The following ADCY4 variants were observed in gnomAD, a reference collection of about 807,000 sequenced individuals.
ADCY4 encodes adenylate cyclase type 4.
In ADCY4, 111 loss-of-function variants were observed where a neutral mutation model predicts 125.5. That is an observed-to-expected ratio of 0.88 (90% CI 0.76 to 1.04). The LOEUF (loss-of-function observed/expected upper bound fraction) is 1.04. Among genes scored for constraint, ADCY4 ranks in the 50% least tolerant of loss-of-function variants. ADCY4 has a pLI of 0.00. For synonymous variants in ADCY4, 576 were observed against 586.9 expected, an observed-to-expected ratio of 0.98 and a Z score of 0.27; for missense variants, 1,256 against 1,382.9, an observed-to-expected ratio of 0.91 and a Z score of 1.46.
At position 24,323,078 on chromosome 14, in the gene ADCY4, T is replaced by C. The variant is rs1390400147; in HGVS notation, c.2168A>G (p.His723Arg). 1 of 1,613,842 alleles carries C rather than the reference T, an allele frequency of 6.2e-7. No homozygotes were observed. Among genetic ancestry groups the C allele is most frequent in the Non-Finnish European group, 8.5e-7 (1 of 1,179,976 alleles). The change falls in exon 18 of 25, where the codon CAC (histidine) becomes CGC (arginine). Residue 723 changes from histidine (H) to arginine (R), a missense_variant. Physicochemically the swap from His to Arg is conservative, Grantham distance 29. Coordinates refer to ENST00000418030, the MANE Select transcript of ADCY4 (RefSeq NM_001198568.2). ...LPLISVPYSM[H>R]CCTLGFLSCS... ...GGAGAGGAAGCCCAGCGTGCAGCAG[T>C]GCATGGAGTACTGTGGGGCCAGGCA... is the stretch of plus-strand genomic sequence containing the variant.
rs1308295377 is a variant in ADCY4 at position 24,324,069 on chromosome 14, G to T, written c.2039C>A (p.Thr680Asn). 1 of 1,614,040 alleles carries T rather than the reference G, an allele frequency of 6.2e-7. No homozygotes were observed. The highest frequency in any genetic ancestry group is 1.3e-5 in the African/African-American group (1 of 74,932). The stretch of plus-strand genomic sequence containing the variant: ...GGCCCCCTCTGTCCTCACCAGGCTG[G>T]TAATGGCCATGGCAAAGACAAGGAG... ...TILLVFAMAI[T>N]SLFFFPTSSD... is the part of the protein sequence containing the mutation. Residue 680 changes from threonine to asparagine, a missense_variant, in exon 16 of 25, where the codon ACC (threonine) becomes AAC (asparagine). Coordinates refer to ENST00000418030, the MANE Select transcript of ADCY4 (RefSeq NM_001198568.2).
Position 24,322,167 on chromosome 14 carries a change from C to G in ADCY4, c.2485G>C (p.Glu829Gln). ...AGGTTCTCCATCGTCTCTGTCTCCT[C>G]CCTCTCCTGCCTCAGCTTCTTCTTC... ...LWKKKLRQER[E>Q]ETETMENLTR... Residue 829 changes from glutamate (E) to glutamine (Q), a missense_variant, in exon 20 of 25, where the codon GAG (glutamate) becomes CAG (glutamine). Glu to Gln is a conservative substitution (Grantham distance 29). Coordinates refer to ENST00000418030, the MANE Select transcript of ADCY4 (RefSeq NM_001198568.2). 6.2e-7 allele frequency: 1 copy of G among 1,614,114 alleles called. No homozygotes were observed. Among genetic ancestry groups the G allele is most frequent in the Non-Finnish European group, 8.5e-7 (1 of 1,180,008 alleles).
rs1057208698 is a variant in ADCY4 at position 24,334,759 on chromosome 14, A to G, written c.-107T>C. 7 of 906,684 alleles carry G rather than the reference A, an allele frequency of 7.7e-6. No homozygotes were observed. The highest frequency in any genetic ancestry group is 1.1e-5 in the Non-Finnish European group (7 of 628,060). 56.2% of individuals were successfully genotyped at this position (906,684 alleles called of 1,614,324 possible). A position where few individuals can be genotyped will look rare whatever the true frequency, so the allele number is the denominator to read the frequency against. On this transcript the variant is annotated 5_prime_UTR_variant, in exon 1 of 25. Coordinates refer to ENST00000418030, the MANE Select transcript of ADCY4 (RefSeq NM_001198568.2). ...CTTTTCTCACCCGCTCAAAGCCGCT[A>G]CCACCCCGCGCCCCCAACCTCGTGG... is the stretch of plus-strand genomic sequence containing the variant.
intron 12 of ADCY4, 31 bp downstream of exon 12, chr14:24,326,048 C>G: frequency 6.4e-7 from 1 of 1,564,914 alleles, no homozygotes; most frequent in African/African-American, 1.4e-5. Flanking sequence ...TCAGGGCCTG[C>G]GGCCCCCCCA....
In ADCY4 at chr14:24,331,778, C is replaced by A. The variant is rs756394779; in HGVS notation, c.669+10G>T. On this transcript the variant is annotated intron_variant, in intron 4 of 24. Coordinates refer to ENST00000418030, the MANE Select transcript of ADCY4 (RefSeq NM_001198568.2). ...GGAGCGCTGCTCTGACCTTCCTAGG[C>A]CCGGCTGACCTGGTGCTTCTTCTCG... 1.3e-6 allele frequency: 2 copies of A among 1,568,338 alleles called. No homozygotes were observed. The highest frequency in any genetic ancestry group is 1.1e-5 in the South Asian group (1 of 88,756).
chr14:24,322,100 G>A lies in ADCY4; in HGVS notation c.2552C>T (p.Ala851Val). The A allele has an allele frequency of 6.2e-7, 1 of 1,613,922 alleles. No individual in the cohort carries two copies. The highest frequency in any genetic ancestry group is 1.1e-5 in the South Asian group (1 of 91,068). Residue 851 changes from alanine (A) to valine (V), a missense_variant, in exon 20 of 25, where the codon GCC (alanine) becomes GTC (valine). Transcript: ENST00000418030. ...LLENVLPAHV[A>V]PQFIGQNRRN... Reference sequence around the variant, plus strand: ...CCGGTTCTGGCCAATGAACTGGGGGGCCACGTGTGCAGGGAGCACGTTCTC... The same window carrying A: ...CCGGTTCTGGCCAATGAACTGGGGGACCACGTGTGCAGGGAGCACGTTCTC...
intron 14 of ADCY4, among the ~76,000 whole-genome samples, 173 bp downstream of exon 14, chr14:24,325,204 A>T (rs2041922965): frequency 6.6e-6 from 1 of 151,626 alleles, no homozygotes; most frequent in East Asian, 1.9e-4. Flanking sequence ...CAGGATCTAC[A>T]AGGTTAAGAT....
In ADCY4 at chr14:24,319,698, T is replaced by C. The variant is rs748321390; in HGVS notation, c.2733+44A>G. 45 of 1,612,254 alleles carry C rather than the reference T, an allele frequency of 2.8e-5. No homozygotes were observed. The highest frequency in any genetic ancestry group is 3.6e-5 in the Non-Finnish European group (43 of 1,179,366). On this transcript the variant is annotated intron_variant, in intron 21 of 24. Coordinates refer to ENST00000418030, the MANE Select transcript of ADCY4 (RefSeq NM_001198568.2). This position sits in a 1 kb window ranked among gnomAD's most constrained non-coding sequence, Gnocchi z 4.5. ...GGAAGGAGGTACTGGTGGAAAATTC[T>C]AGAATCTAGGACATAGGGTCTGGGA... is the stretch of plus-strand genomic sequence containing the variant.
Position 24,318,602 on chromosome 14 carries a change from T to A in ADCY4, c.3082-34A>T, listed in dbSNP as rs751611683. ...GGAGGGGGGCGAGGGAATATGGAGG[T>A]GGCCCTATTCTTAGTCCCCCTCCCC... On this transcript the variant is annotated intron_variant, in intron 24 of 24. Transcript: ENST00000418030. 2.5e-6 allele frequency: 4 copies of A among 1,613,644 alleles called. No individual in the cohort carries two copies. The African/African-American group carries it at 5.3e-5, about 22-fold the overall frequency.
chr14:24,327,608 C>A (rs1014493438), intron 10 of ADCY4, among the ~76,000 whole-genome samples: 2 of 152,228 alleles, frequency 1.3e-5, no homozygotes, highest in South Asian at 2.1e-4. Flanking sequence ...CCTTCCCCCA[C>A]TCCCCAGTGT....
intron 14 of ADCY4, among the ~76,000 whole-genome samples, chr14:24,324,698 A>G (rs968149455): frequency 1.3e-5 from 2 of 149,838 alleles, no homozygotes; most frequent in Non-Finnish European, 3.0e-5. Flanking sequence ...AACTTGGCTG[A>G]GTTTTTTTTT....
intron 23 of ADCY4, 153 bp downstream of exon 23, chr14:24,318,945 C>A: frequency 7.2e-7 from 1 of 1,384,620 alleles, no homozygotes; most frequent in Non-Finnish European, 1.0e-6. Flanking sequence ...AGCCTCGTAC[C>A]TCCTTGCCCA....
Position 24,322,705 on chromosome 14 carries a change from G to A in ADCY4, c.2346C>T (p.Pro782=), listed in dbSNP as rs759609296. 3.1e-6 allele frequency: 5 copies of A among 1,613,760 alleles called. No individual in the cohort carries two copies. The highest frequency in any genetic ancestry group is 4.2e-6 in the Non-Finnish European group (5 of 1,179,834). Residue 782 remains proline (P), a synonymous_variant, in exon 19 of 25, where the codon CCC becomes CCT. Coordinates refer to ENST00000418030, the MANE Select transcript of ADCY4 (RefSeq NM_001198568.2). The part of the protein sequence containing the change: ...RLYLGPLDSR[P]GVLKEPKLMG... Reference sequence around the variant, plus strand: ...TCAGTTTGGGCTCCTTCAGCACTCCGGGCCTGAAGGGGCCATGGATCAGGG... The same window carrying A: ...TCAGTTTGGGCTCCTTCAGCACTCCAGGCCTGAAGGGGCCATGGATCAGGG...
At chr14:24,326,253 G>C in intron 11 of ADCY4, 46 bp downstream of exon 11, 2 of 1,613,766 alleles carry the variant, frequency 1.2e-6, no homozygotes, top group Non-Finnish European at 1.7e-6. Context: ...GGATGGAGGG[G>C]GTCATCCAGA....
At chr14:24,325,022 C>T (rs2041920088) in intron 14 of ADCY4, among the ~76,000 whole-genome samples, 1 of 152,170 alleles carries the variant, frequency 6.6e-6, no homozygotes, top group Admixed American at 6.5e-5. Flanking sequence ...GAGTTAAGAA[C>T]AAGTCCTCAT....
In ADCY4 at chr14:24,323,351, C is replaced by T. The variant is rs778985214; in HGVS notation, c.2150G>A (p.Ser717Asn). 9.0e-6 allele frequency: 14 copies of T among 1,553,000 alleles called. No individual in the cohort carries two copies. The South Asian group carries it at 1.3e-4, about 14-fold the overall frequency. ...GCATGTGGGAACACTCACTGGGACA[C>T]TGATGAGAGGCAGAGACCCAGGGAG... is the stretch of plus-strand genomic sequence containing the variant. ...WELPGSLPLISVPYSMHCCTL... is the reference protein window; with the variant it reads ...WELPGSLPLINVPYSMHCCTL... The change falls in exon 17 of 25, where the codon AGT becomes AAT. Residue 717 changes from serine to asparagine, a missense_variant. Ser to Asn is a conservative substitution (Grantham distance 46). Coordinates refer to ENST00000418030, the MANE Select transcript of ADCY4 (RefSeq NM_001198568.2).
At chr14:24,330,719 T>A (rs1246988389) in intron 6 of ADCY4, 1 of 399,784 alleles carries the variant, frequency 2.5e-6, no homozygotes, top group Non-Finnish European at 4.5e-6. Flanking sequence ...TCAGAACGTC[T>A]CTATAGATTT....
At chr14:24,330,064 T>A (rs955627072) in intron 7 of ADCY4, 46 bp from the exon 8 acceptor site, 3 of 1,599,960 alleles carry the variant, frequency 1.9e-6, no homozygotes, top group Non-Finnish European at 2.6e-6. Context: ...CCCTCAGCCC[T>A]GCCTGTGAGA....
Position 24,331,295 on chromosome 14 carries a change from A to T in ADCY4, c.731T>A (p.Met244Lys), listed in dbSNP as rs79212563. ...CCCCTGTCCTGCCTGCAGCCGTGCC[A>T]TGATCTCTGCCTTCATCTCTCGGGC... is the stretch of plus-strand genomic sequence containing the variant. Reference protein sequence around the residue: ...YLAREMKAEIMARLQAGQGSR... With the variant: ...YLAREMKAEIKARLQAGQGSR... Residue 244 changes from methionine (M) to lysine (K), a missense_variant, in exon 5 of 25, where the codon ATG becomes AAG. Physicochemically the swap from Met to Lys is moderately conservative, Grantham distance 95. Transcript: ENST00000418030. The T allele has an allele frequency of 8.8e-5, 142 of 1,614,056 alleles. 1 individual carries two copies. In the Admixed American group the frequency reaches 1.8e-3, roughly 20 times the overall value.
Sources: allele counts gnomAD v4.1 joint callset (sites outside exome capture counted in the v4.1 genomes callset), GRCh38; gene constraint gnomAD v4.1.1; non-coding constraint Gnocchi (gnomAD v3.1); transcripts MANE v1.5; gene names NCBI Gene and HGNC (gene_info 2026-07-23, HGNC 2026-07-21).